Variants in ABL1 observed in about 807,000 individuals in gnomAD.
ABL1 encodes the protein ABL proto-oncogene 1, non-receptor tyrosine kinase, also known as tyrosine-protein kinase ABL1.
A neutral mutation model predicts 94.7 loss-of-function variants in ABL1; 11 were observed. The observed-to-expected ratio is 0.12, with a 90% confidence interval of 0.07 to 0.19. The LOEUF (loss-of-function observed/expected upper bound fraction) is 0.19, where lower values mean the gene tolerates loss of function less well. Among genes scored for constraint, ABL1 ranks in the 10% least tolerant of loss-of-function variants. The pLI is 1.00. For missense variants in ABL1, 1,082 were observed against 1,489.4 expected, an observed-to-expected ratio of 0.73 and a Z score of 4.50; for synonymous variants, 656 against 622.4, an observed-to-expected ratio of 1.05 and a Z score of -0.80.
chr9:130,811,243 C>G (rs761502966), intron 1 of ABL1, among the ~76,000 whole-genome samples: 4 of 152,104 alleles, frequency 2.6e-5, no homozygotes, highest in Non-Finnish European at 5.9e-5. Context: ...GAGCTATGAT[C>G]GCACCACTGC....
intron 1 of ABL1, among the ~76,000 whole-genome samples, chr9:130,774,449 C>G (rs545257774): frequency 6.6e-6 from 1 of 151,952 alleles, no homozygotes; most frequent in Non-Finnish European, 1.5e-5. Context: ...TTCAGACTGC[C>G]CTATAAAGCT....
At chr9:130,714,384 T>G in exon 1 of ABL1, 1 of 1,613,962 alleles carries the variant, frequency 6.2e-7, no homozygotes, top group Non-Finnish European at 8.5e-7. Flanking sequence ...GCCCTGCATT[T>G]TATCAAAGGA....
chr9:130,724,744 CT>C (rs1335104904), intron 1 of ABL1: 35 of 325,534 alleles, frequency 1.1e-4, no homozygotes, highest in South Asian at 2.0e-4. Flanking sequence ...GAAACCCTGT[CT>C]TTAAAAAAAA....
At chr9:130,764,431 C>A (rs190134599) in intron 1 of ABL1, among the ~76,000 whole-genome samples, 1 of 152,248 alleles carries the variant, frequency 6.6e-6, no homozygotes, top group Non-Finnish European at 1.5e-5. Context: ...TCAAAGTTCC[C>A]GCTTCCATTG....
chr9:130,764,377 C>T (rs1832154882), intron 1 of ABL1, among the ~76,000 whole-genome samples: 1 of 152,118 alleles, frequency 6.6e-6, no homozygotes, highest in Non-Finnish European at 1.5e-5. Flanking sequence ...TAGCTCTGGT[C>T]CTGTTGGTTG....
At chr9:130,728,771 C>A (rs1198460311) in intron 1 of ABL1, among the ~76,000 whole-genome samples, 1 of 151,632 alleles carries the variant, frequency 6.6e-6, no homozygotes, top group East Asian at 2.0e-4. Flanking sequence ...TCCTCTAAAT[C>A]CTAGAAGGTA....
chr9:130,808,247 C>CTTCTTCT (rs1225434564), intron 1 of ABL1, among the ~76,000 whole-genome samples: 4 of 95,084 alleles, frequency 4.2e-5, no homozygotes, highest in East Asian at 2.5e-4. Context: ...TCTTCTTCTT[C>CTTCTTCT]TTTTTTTTTT....
chr9:130,725,732 T>G (rs1175737460), intron 1 of ABL1, among the ~76,000 whole-genome samples: 5 of 151,862 alleles, frequency 3.3e-5, no homozygotes, highest in African/African-American at 1.2e-4. Flanking sequence ...CAGAATTTCT[T>G]CTTTTTTAAG....
At chr9:130,735,158 TAACTGGGATTACAGGC>T (rs1183116715) in intron 1 of ABL1, among the ~76,000 whole-genome samples, 1 of 152,046 alleles carries the variant, frequency 6.6e-6, no homozygotes, top group Non-Finnish European at 1.5e-5. Context: ...GCCTTTTGAG[TAACTGGGATTACAGGC>T]ACCTGCCACC....
At chr9:130,733,988 C>T (rs988766952) in intron 1 of ABL1, among the ~76,000 whole-genome samples, 3 of 151,886 alleles carry the variant, frequency 2.0e-5, no homozygotes, top group South Asian at 2.1e-4. Context: ...TTTGGGTAGT[C>T]GTGTTTTTAG....
chr9:130,798,541 C>G (rs555044002), intron 1 of ABL1, among the ~76,000 whole-genome samples: 1 of 152,144 alleles, frequency 6.6e-6, no homozygotes, highest in Admixed American at 6.5e-5. Context: ...GAAAACCCTA[C>G]AGCACTTTGC....
At chr9:130,849,184 G>A (rs756439579) in intron 1 of ABL1, among the ~76,000 whole-genome samples, 32 of 152,224 alleles carry the variant, frequency 2.1e-4, no homozygotes, top group Non-Finnish European at 1.3e-4. Flanking sequence ...TATGCATGCA[G>A]CATAAACTAA....
intron 1 of ABL1, among the ~76,000 whole-genome samples, chr9:130,790,563 A>C (rs1829895661): frequency 6.6e-6 from 1 of 151,702 alleles, no homozygotes; most frequent in Non-Finnish European, 1.5e-5. Context: ...AGCTCATTAC[A>C]GCCTTGAACT....
At chr9:130,841,936 T>TAGAG (rs35461924) in intron 1 of ABL1, among the ~76,000 whole-genome samples, 34,837 of 137,142 alleles carry the variant, frequency 0.25, 5,603 homozygotes, top group African/African-American at 0.49. Flanking sequence ...GGGAAGGAGA[T>TAGAG]AGAGAGAGAG....
intron 1 of ABL1, among the ~76,000 whole-genome samples, chr9:130,750,896 C>T (rs1481747371): frequency 3.3e-5 from 5 of 151,720 alleles, no homozygotes; most frequent in African/African-American, 4.8e-5. Context: ...ATCTGCCCCT[C>T]AGCCTCCCAA....
intron 1 of ABL1, among the ~76,000 whole-genome samples, chr9:130,794,528 T>A (rs534135001): frequency 1.4e-4 from 21 of 152,328 alleles, no homozygotes; most frequent in African/African-American, 5.0e-4. Flanking sequence ...TCAAAACAAA[T>A]GAATCACTGT....
At chr9:130,805,413 A>C (rs1038182025) in intron 1 of ABL1, among the ~76,000 whole-genome samples, 2 of 152,246 alleles carry the variant, frequency 1.3e-5, no homozygotes, top group African/African-American at 2.4e-5. Flanking sequence ...TTTTAATATG[A>C]ATAAACCTTC....
Position 130,884,794 on chromosome 9 carries a change from A to C in ABL1, c.2504A>C (p.Glu835Ala), listed in dbSNP as rs752442947. 10 of 1,609,934 alleles carry C rather than the reference A, an allele frequency of 6.2e-6. No homozygotes were observed. Among genetic ancestry groups the C allele is most frequent in the Non-Finnish European group, 8.5e-6 (10 of 1,178,254 alleles). The change falls in exon 11 of 11, where the codon GAA (glutamate) becomes GCA (alanine). Residue 835 changes from glutamate (E) to alanine (A), a missense_variant. Around this residue, in one of 7 missense-constraint regions of ABL1, gnomAD observed 780 missense variants for 835.8 expected, o/e 0.93. Coordinates refer to ENST00000318560, the MANE Select transcript of ABL1 (RefSeq NM_005157.6). This position sits in a 1 kb window ranked among gnomAD's most constrained non-coding sequence, Gnocchi z 5.6. ...GCCTCGGGCCTCCCCCACAAGGAAGAAGCTGGAAAGGGCAGTGCCTTAGGG... is the reference window on the plus strand; with the variant it reads ...GCCTCGGGCCTCCCCCACAAGGAAGCAGCTGGAAAGGGCAGTGCCTTAGGG... ...APASGLPHKE[E>A]AGKGSALGTP... is the part of the protein sequence containing the mutation.
At chr9:130,834,168 C>A, upstream of ABL1, 1 of 445,746 alleles carries the variant, frequency 2.2e-6, no homozygotes, top group Non-Finnish European at 4.6e-6. Flanking sequence ...AGAATCATTA[C>A]GCAGATGCAA....
Sources: gnomAD v4.1 joint callset for allele counts (sites outside exome capture counted in the v4.1 genomes callset) on GRCh38, gnomAD v4.1.1 for gene constraint, gnomAD v4.1.1 regional missense constraint, Gnocchi (gnomAD v3.1) non-coding constraint, MANE v1.5 for transcripts, NCBI Gene and HGNC (gene_info 2026-07-23, HGNC 2026-07-21) for gene names.